Variants in MED13L observed in about 807,000 individuals in gnomAD.
MED13L encodes mediator complex subunit 13L, also known as mediator of RNA polymerase II transcription subunit 13-like.
Under a neutral mutation model 220.9 loss-of-function variants are expected in MED13L, and 7 were observed. The ratio of observed to expected loss-of-function variants is 0.03; its 90% confidence interval spans 0.02 to 0.06. The LOEUF is 0.06. Ranked by LOEUF, MED13L falls within the 10% of genes least tolerant of loss-of-function variation. The pLI, the probability that MED13L is intolerant of heterozygous loss-of-function variation, is 1.00. For synonymous variants in MED13L, 1,011 were observed against 1,015.2 expected, an observed-to-expected ratio of 1.00 and a Z score of 0.08; for missense variants, 1,965 against 2,760.5, an observed-to-expected ratio of 0.71 and a Z score of 6.46.
rs775015157 is a variant in MED13L at position 116,019,867 on chromosome 12, G to A, written c.731C>T (p.Pro244Leu). 4 of 1,613,498 alleles carry A rather than the reference G, an allele frequency of 2.5e-6. No homozygotes were observed. Among genetic ancestry groups the A allele is most frequent in the Admixed American group, 1.7e-5 (1 of 59,874 alleles). Residue 244 changes from proline (P) to leucine (L), a missense_variant, in exon 6 of 31, where the codon CCG (proline) becomes CTG (leucine). Transcript: ENST00000281928. ...TTCTTCTTTCTTTTTTAGCACCATC[G>A]GGTAGAAATACTGCCATTCCTCAAT... The part of the protein sequence containing the change: ...KLIEEWQYFY[P>L]MVLKKKEESK...
intron 4 of MED13L, among the ~76,000 whole-genome samples, chr12:116,037,824 T>C (rs1881276703): frequency 6.6e-6 from 1 of 152,184 alleles, no homozygotes; most frequent in African/African-American, 2.4e-5. Flanking sequence ...CAGTATGTCC[T>C]TAATTCAAAG....
At chr12:116,091,076 G>A (rs1270856890) in intron 4 of MED13L, among the ~76,000 whole-genome samples, 1 of 138,686 alleles carries the variant, frequency 7.2e-6, no homozygotes, top group Admixed American at 8.0e-5. Flanking sequence ...AGCTGACATC[G>A]CACCTGTGCA....
chr12:116,261,786 T>C (rs1169890310), intron 1 of MED13L, among the ~76,000 whole-genome samples: 1 of 152,214 alleles, frequency 6.6e-6, no homozygotes, highest in South Asian at 2.1e-4. Context: ...TCCTGTTCTA[T>C]GGCATATTTA....
chr12:116,221,975 T>C (rs893612315), intron 2 of MED13L, among the ~76,000 whole-genome samples: 2 of 152,174 alleles, frequency 1.3e-5, no homozygotes, highest in African/African-American at 4.8e-5. Context: ...AAACATCCAA[T>C]GCCCATATAT....
intron 2 of MED13L, among the ~76,000 whole-genome samples, chr12:116,222,151 G>T (rs1026825443): frequency 6.6e-6 from 1 of 152,072 alleles, no homozygotes; most frequent in Non-Finnish European, 1.5e-5. Context: ...AAAAATATAT[G>T]GCTATAAAAT....
At chr12:116,146,441 CTT>C (rs59659609) in intron 2 of MED13L, among the ~76,000 whole-genome samples, 2 of 145,046 alleles carry the variant, frequency 1.4e-5, no homozygotes, top group African/African-American at 2.5e-5. Flanking sequence ...TTGTTTTTTC[CTT>C]TTTTTTTTTT....
At chr12:116,056,900 A>G (rs1869021279) in intron 4 of MED13L, among the ~76,000 whole-genome samples, 1 of 152,204 alleles carries the variant, frequency 6.6e-6, no homozygotes, top group Admixed American at 6.5e-5. Context: ...TCTTTCCTTA[A>G]AACTTAACAG....
intron 4 of MED13L, among the ~76,000 whole-genome samples, chr12:116,038,528 C>T (rs1881322646): frequency 6.6e-6 from 1 of 152,022 alleles, no homozygotes; most frequent in South Asian, 2.1e-4. Flanking sequence ...CAGATTCTGA[C>T]ACCCATGGGG....
rs554017223 is a variant in MED13L, at chr12:115,991,073, A to T, written c.3881T>A (p.Val1294Glu). 1.2e-5 allele frequency: 20 copies of T among 1,614,202 alleles called. No homozygotes were observed. In the Admixed American group the frequency reaches 2.8e-4, roughly 23 times the overall value. ...GGCACTTCTCACCAGAGCTTCGTCC[A>T]CTTTTCCACCAGTGGGGTTATCCAC... ...QYVDNPTGGK[V>E]DEALVRSATV... The change falls in exon 17 of 31, where the codon GTG becomes GAG. Residue 1294 changes from valine to glutamate, a missense_variant. By Grantham distance (121) the Val-to-Glu change is moderately radical. Around this residue, in one of 10 missense-constraint regions of MED13L, gnomAD observed 165 missense variants for 190.8 expected, o/e 0.86. Transcript: ENST00000281928. The surrounding 1 kb of genome is among the most constrained non-coding windows in gnomAD (Gnocchi z 7.7).
chr12:116,276,339 TGTGTGTGTGTGTGC>T (rs1227492257), intron 1 of MED13L: 10 of 590,806 alleles, frequency 1.7e-5, no homozygotes, highest in African/African-American at 9.6e-5. Flanking sequence ...TGTGTGTGTG[TGTGTGTGTGTGTGC>T]GGATTCGTTG....
In MED13L at chr12:115,991,493, T is replaced by C. The variant is rs867320311; in HGVS notation, c.3461A>G (p.Asn1154Ser). ...ACAGGTACAGCGGTACTGGTCCTCA[T>C]TGGAAGAATCGGGGATGTAAAGCCC... ...DVGLYIPDSS[N>S]EDQYRCTCGF... The change falls in exon 17 of 31, where the codon AAT (asparagine) becomes AGT (serine). Residue 1154 changes from asparagine (N) to serine (S), a missense_variant. Coordinates refer to ENST00000281928, the MANE Select transcript of MED13L (RefSeq NM_015335.5). This position sits in a 1 kb window ranked among gnomAD's most constrained non-coding sequence, Gnocchi z 7.7. 3 of 1,614,126 alleles carry C rather than the reference T, an allele frequency of 1.9e-6. No homozygotes were observed. Among genetic ancestry groups the C allele is most frequent in the Non-Finnish European group, 2.5e-6 (3 of 1,180,018 alleles).
At chr12:115,993,180 G>C (rs1878177818) in intron 16 of MED13L, among the ~76,000 whole-genome samples, 1 of 152,160 alleles carries the variant, frequency 6.6e-6, no homozygotes, top group Non-Finnish European at 1.5e-5. Flanking sequence ...AGCATCTTCA[G>C]ATTTTGGTAT....
chr12:116,145,657 C>CTCTA (rs1261918343), intron 2 of MED13L, among the ~76,000 whole-genome samples: 2 of 124,842 alleles, frequency 1.6e-5, no homozygotes, highest in Non-Finnish European at 3.3e-5. Context: ...CCACACTCAA[C>CTCTA]TCTATTTATT....
chr12:116,240,219 C>T (rs572563214), intron 1 of MED13L, among the ~76,000 whole-genome samples: 1 of 152,140 alleles, frequency 6.6e-6, no homozygotes, highest in East Asian at 1.9e-4. Flanking sequence ...GCCTCAGCCT[C>T]CTGAGTAGCT....
chr12:116,218,908 T>G (rs1883157470), intron 2 of MED13L, among the ~76,000 whole-genome samples: 1 of 152,104 alleles, frequency 6.6e-6, no homozygotes, highest in African/African-American at 2.4e-5. Context: ...TAATTTTTTT[T>G]GTATTTTTGT....
chr12:116,159,799 T>C (rs1361421393), intron 2 of MED13L, among the ~76,000 whole-genome samples: 2 of 150,576 alleles, frequency 1.3e-5, no homozygotes, highest in Admixed American at 1.3e-4. Flanking sequence ...ACAGCTTCTC[T>C]TGCTTTTTAA....
At chr12:116,206,074 C>CTTTTTTTTTTT (rs1160337465) in intron 2 of MED13L, among the ~76,000 whole-genome samples, 1 of 87,222 alleles carries the variant, frequency 1.1e-5, no homozygotes, top group Non-Finnish European at 2.1e-5. Context: ...GTATTATTAC[C>CTTTTTTTTTTT]TTTTTTTTTT....
chr12:115,972,688 A>T (rs1204554939), intron 25 of MED13L, among the ~76,000 whole-genome samples: 2 of 152,216 alleles, frequency 1.3e-5, no homozygotes, highest in Non-Finnish European at 2.9e-5. Context: ...TTTCCATGAA[A>T]GTCAAACAGC....
intron 7 of MED13L, among the ~76,000 whole-genome samples, chr12:116,018,434 T>A (rs1180031935): frequency 6.6e-6 from 1 of 152,204 alleles, no homozygotes; most frequent in Non-Finnish European, 1.5e-5. Flanking sequence ...TTTCAAAGTT[T>A]AGCAGCCAAG....
Sources: gnomAD v4.1 joint callset for allele counts (sites outside exome capture counted in the v4.1 genomes callset) on GRCh38, gnomAD v4.1.1 for gene constraint, gnomAD v4.1.1 regional missense constraint, Gnocchi (gnomAD v3.1) non-coding constraint, MANE v1.5 for transcripts, NCBI Gene and HGNC (gene_info 2026-07-23, HGNC 2026-07-21) for gene names.